IL1R2: variants seen among roughly 807,000 people sequenced by gnomAD.
The protein encoded by IL1R2 is interleukin-1 receptor type 2.
Under a neutral mutation model 39.5 loss-of-function variants are expected in IL1R2, and 46 were observed. The ratio of observed to expected loss-of-function variants is 1.16; its 90% CI spans 0.92 to 1.49. IL1R2 has a LOEUF of 1.49. Among genes scored for constraint, IL1R2 ranks in the 40% most tolerant of loss-of-function variants. The pLI is 0.00. For synonymous variants in IL1R2, 207 were observed against 189.6 expected (o/e 1.09, Z -0.75); for missense variants, 537 against 502.0 (o/e 1.07, Z -0.67).
At chr2:102,024,802 T>A (rs2236921) in intron 7 of IL1R2, 134 bp downstream of exon 7, 122,559 of 1,126,448 alleles carry the variant, frequency 0.11, 7,600 homozygotes, top group East Asian at 0.21. Context: ...GTTTAGAATT[T>A]AAAAAATTGT....
chr2:102,011,342 T>C (rs917299042), intron 3 of IL1R2, among the ~76,000 whole-genome samples: 1 of 152,264 alleles, frequency 6.6e-6, no homozygotes, highest in Non-Finnish European at 1.5e-5. Context: ...GTACCATTTT[T>C]CATTCCCAAC....
Position 102,026,235 on chromosome 2 carries a change from C to T in IL1R2, c.1012C>T (p.Arg338Cys), listed in dbSNP as rs147924293. Reference protein sequence around the residue: ...VHNTLSFQTLRTTVKEASSTF... With the variant: ...VHNTLSFQTLCTTVKEASSTF... ...TAATACCCTGAGTTTTCAGACACTA[C>T]GCACCACAGTCAAGGAAGGTATGTA... The change falls in exon 8 of 9, where the codon CGC becomes TGC. Residue 338 changes from arginine (R) to cysteine (C), a missense_variant. Transcript: ENST00000332549. 8.6e-5 allele frequency: 138 copies of T among 1,611,154 alleles called. 1 individual carries two copies. Among genetic ancestry groups the T allele is most frequent in the African/African-American group, 4.5e-4 (34 of 74,866 alleles).
intron 3 of IL1R2, 131 bp downstream of exon 3, chr2:102,009,957 G>A (rs570706102): frequency 1.7e-5 from 18 of 1,084,540 alleles, no homozygotes; most frequent in Admixed American, 9.1e-5. Context: ...ATTGCATCCC[G>A]TTTGCTGTTC....
intron 5 of IL1R2, chr2:102,021,969 T>C (rs922363073): frequency 7.3e-6 from 4 of 549,184 alleles, no homozygotes; most frequent in African/African-American, 1.9e-5. Flanking sequence ...TGTGTTTGGC[T>C]GTGGCCTCTT....
chr2:102,022,275 C>T (rs1677450322), intron 6 of IL1R2, 26 bp downstream of exon 6: 10 of 1,596,370 alleles, frequency 6.3e-6, no homozygotes, highest in Non-Finnish European at 8.6e-6. Flanking sequence ...ACCATGCATT[C>T]CACGCACCTG....
intron 8 of IL1R2, among the ~76,000 whole-genome samples, chr2:102,027,050 G>A (rs900730672): frequency 6.6e-6 from 1 of 152,192 alleles, no homozygotes; most frequent in African/African-American, 2.4e-5. Flanking sequence ...ACAGGGAATG[G>A]CACCCAACTT....
At chr2:102,027,659 A>G (rs1677817695) in intron 8 of IL1R2, among the ~76,000 whole-genome samples, 1 of 152,206 alleles carries the variant, frequency 6.6e-6, no homozygotes, top group Non-Finnish European at 1.5e-5. Context: ...AGTCTCATCA[A>G]CAATGTGTCT....
At chr2:101,994,341 G>A (rs970501960) in intron 1 of IL1R2, among the ~76,000 whole-genome samples, 3 of 152,096 alleles carry the variant, frequency 2.0e-5, no homozygotes, top group Admixed American at 1.3e-4. Context: ...TCCCCCTGGA[G>A]AGCAGAGTTG....
At chr2:101,997,458 G>T (rs1267108535) in intron 1 of IL1R2, among the ~76,000 whole-genome samples, 1 of 152,236 alleles carries the variant, frequency 6.6e-6, no homozygotes, top group Non-Finnish European at 1.5e-5. Context: ...AGCCAAGGGA[G>T]CAGAAGGTGG....
intron 7 of IL1R2, among the ~76,000 whole-genome samples, chr2:102,025,447 T>C (rs1381200587): frequency 2.6e-5 from 4 of 152,248 alleles, no homozygotes; most frequent in African/African-American, 9.6e-5. Flanking sequence ...CACAACTAAA[T>C]GCCCATCTCA....
At chr2:102,018,645 C>A (rs1677159158) in intron 4 of IL1R2, among the ~76,000 whole-genome samples, 1 of 152,076 alleles carries the variant, frequency 6.6e-6, no homozygotes, top group Non-Finnish European at 1.5e-5. Flanking sequence ...GACATGCAAC[C>A]CGATGAAGTA....
At position 102,026,112 on chromosome 2, in the gene IL1R2, G is replaced by T. The variant is rs899622582; in HGVS notation, c.889G>T (p.Glu297Ter). ...GGRVTEGPRQ[E>*]YSENNENYIE... ...TAAGTGAATGTTTTTTTAACTCAGG[G>T]AATATTCAGAAAATAATGAGAACTA... is the stretch of plus-strand genomic sequence containing the variant. The change falls in exon 8 of 9, where the codon GAA becomes TAA. Residue 297 changes from glutamate (E) to a stop codon, truncating the protein, a stop_gained and splice_region_variant. Transcript: ENST00000332549. LOFTEE classifies it high-confidence loss of function. 14 of 1,595,002 alleles carry T rather than the reference G, an allele frequency of 8.8e-6. No homozygotes were observed. The highest frequency in any genetic ancestry group is 1.2e-5 in the Non-Finnish European group (14 of 1,169,916).
intron 5 of IL1R2, among the ~76,000 whole-genome samples, chr2:102,021,506 G>A (rs1451061478): frequency 6.6e-6 from 1 of 152,082 alleles, no homozygotes; most frequent in Non-Finnish European, 1.5e-5. Context: ...AGTAGAGACA[G>A]GGGTTCACCA....
intron 4 of IL1R2, among the ~76,000 whole-genome samples, chr2:102,017,205 C>T (rs1677059326): frequency 6.6e-6 from 1 of 151,944 alleles, no homozygotes; most frequent in Non-Finnish European, 1.5e-5. Flanking sequence ...TGAGACCAGC[C>T]TGGCCAACAT....
chr2:102,017,206 T>C (rs564115525), intron 4 of IL1R2, among the ~76,000 whole-genome samples: 5 of 152,164 alleles, frequency 3.3e-5, no homozygotes, highest in South Asian at 4.2e-4. Flanking sequence ...GAGACCAGCC[T>C]GGCCAACATG....
chr2:102,017,355 C>T (rs1410290896), intron 4 of IL1R2, among the ~76,000 whole-genome samples: 1 of 150,042 alleles, frequency 6.7e-6, no homozygotes, highest in South Asian at 2.1e-4. Context: ...CAAGATCACG[C>T]CATTGCACTC....
At chr2:102,025,594 T>C (rs567719027) in intron 7 of IL1R2, among the ~76,000 whole-genome samples, 2 of 152,340 alleles carry the variant, frequency 1.3e-5, no homozygotes, top group South Asian at 2.1e-4. Context: ...CAGATTCCTC[T>C]AACACTATAA....
rs1314379655 is a variant in IL1R2, at chr2:102,028,390, T to C, written c.1195T>C (p.Ter399ArgextTer41). The change falls in exon 9 of 9, where the codon TGA (stop) becomes CGA (arginine). Residue 399 changes from the stop codon to arginine (R), a stop_lost. Coordinates refer to ENST00000332549, the MANE Select transcript of IL1R2 (RefSeq NM_004633.4). The stretch of plus-strand genomic sequence containing the variant: ...TCAAGACTTTCAATCCTATCCCAAG[T>C]GAAATAAATGGAATGAAATAATTCA... ...HHQDFQSYPK* is the reference protein window; with the variant it reads ...HHQDFQSYPKR 3 of 1,586,840 alleles carry C rather than the reference T, an allele frequency of 1.9e-6. No homozygotes were observed. Among genetic ancestry groups the C allele is most frequent in the Non-Finnish European group, 2.6e-6 (3 of 1,164,190 alleles).
intron 1 of IL1R2, among the ~76,000 whole-genome samples, chr2:102,006,787 C>T (rs1676291095): frequency 1.3e-5 from 2 of 152,390 alleles, no homozygotes; most frequent in African/African-American, 2.4e-5. Flanking sequence ...GGCACGACTG[C>T]TCCCACTTCC....
Sources: gnomAD v4.1 joint callset for allele counts (sites outside exome capture counted in the v4.1 genomes callset) on GRCh38, gnomAD v4.1.1 for gene constraint, MANE v1.5 for transcripts, NCBI Gene and HGNC (gene_info 2026-07-23, HGNC 2026-07-21) for gene names.